The following TMEM230 variants were observed in gnomAD, a reference collection of about 807,000 sequenced individuals.
The protein encoded by TMEM230 is transmembrane protein 230.
A neutral mutation model predicts 15.8 loss-of-function variants in TMEM230; 10 were observed. That is an observed-to-expected ratio of 0.63 (90% confidence interval 0.39 to 1.07). The LOEUF (loss-of-function observed/expected upper bound fraction) is 1.07. TMEM230 is among the 50% of genes least tolerant of loss of function. TMEM230 has a pLI of 0.01. For missense variants in TMEM230, 165 were observed against 193.3 expected (o/e 0.85, Z 0.87); for synonymous variants, 67 against 76.9 (o/e 0.87, Z 0.68).
chr20:5,077,212 T>G (rs1374756519), intron 3 of TMEM230, among the ~76,000 whole-genome samples: 1 of 151,106 alleles, frequency 6.6e-6, no homozygotes, highest in African/African-American at 2.4e-5. Flanking sequence ...GAAACTGAGG[T>G]GGGAGGGTCA....
chr20:5,099,127 G>A (rs962977397), downstream of TMEM230, among the ~76,000 whole-genome samples: 1 of 151,680 alleles, frequency 6.6e-6, no homozygotes, highest in Non-Finnish European at 1.5e-5. Flanking sequence ...GGAATTCAAG[G>A]CTGCAGTGAG....
At chr20:5,096,116 T>C (rs1535266), downstream of TMEM230, among the ~76,000 whole-genome samples, 104,809 of 152,134 alleles carry the variant, frequency 0.69, 36,953 homozygotes, top group East Asian at 0.85. Context: ...CAACCCTCGC[T>C]CCTGCCGCTG....
chr20:5,088,400 C>T (rs2089416261), intron 3 of TMEM230, among the ~76,000 whole-genome samples: 1 of 151,538 alleles, frequency 6.6e-6, no homozygotes, highest in African/African-American at 2.4e-5. Flanking sequence ...CCACGGGAGA[C>T]AGAGATTTGA....
chr20:5,075,215 G>A (rs1312985440), intron 3 of TMEM230, among the ~76,000 whole-genome samples: 3 of 151,546 alleles, frequency 2.0e-5, no homozygotes, highest in Admixed American at 6.6e-5. Context: ...ATAGGCATAC[G>A]CCACCAGGCC....
intron 4 of TMEM230, among the ~76,000 whole-genome samples, chr20:5,102,688 C>CAAA (rs58106156): frequency 3.6e-4 from 30 of 82,928 alleles, no homozygotes; most frequent in East Asian, 1.7e-3. Context: ...GACCCTGTCT[C>CAAA]AAAAAAAAAA....
downstream of TMEM230, among the ~76,000 whole-genome samples, chr20:5,065,818 C>T (rs1385233192): frequency 3.3e-5 from 5 of 152,194 alleles, no homozygotes; most frequent in Non-Finnish European, 7.3e-5. Flanking sequence ...GTAGGGATCA[C>T]GCCCCTGCCA....
At chr20:5,110,127 G>A (rs2090253661) in intron 2 of TMEM230, among the ~76,000 whole-genome samples, 1 of 152,116 alleles carries the variant, frequency 6.6e-6, no homozygotes, top group Non-Finnish European at 1.5e-5. Context: ...GTTGATCTCA[G>A]CTCACTACAA....
At chr20:5,090,606 C>A (rs1325550006) in intron 3 of TMEM230, among the ~76,000 whole-genome samples, 1 of 152,054 alleles carries the variant, frequency 6.6e-6, no homozygotes, top group Non-Finnish European at 1.5e-5. Flanking sequence ...TGCAAATAAA[C>A]ATGATTATTA....
At chr20:5,098,507 A>C (rs2089733244), downstream of TMEM230, 1 of 152,188 alleles carries the variant, frequency 6.6e-6, no homozygotes, top group South Asian at 2.1e-4. Flanking sequence ...ACACCAAATA[A>C]TACAACTATG....
downstream of TMEM230, chr20:5,067,062 G>A (rs1027183547): frequency 1.3e-5 from 2 of 152,174 alleles, no homozygotes; most frequent in Non-Finnish European, 2.9e-5. Context: ...AAACGGCGCA[G>A]GGCGGAAAGC....
chr20:5,095,656 C>G (rs1470198296), downstream of TMEM230, among the ~76,000 whole-genome samples: 3 of 152,130 alleles, frequency 2.0e-5, no homozygotes, highest in Admixed American at 6.5e-5. Context: ...AGGAGATGGA[C>G]TAGGAGGGAA....
chr20:5,101,286 C>T (rs2089851219), intron 4 of TMEM230, among the ~76,000 whole-genome samples: 1 of 152,198 alleles, frequency 6.6e-6, no homozygotes, highest in East Asian at 1.9e-4. Flanking sequence ...CCGAAATGGA[C>T]ATACTACAGT....
At chr20:5,081,759 G>A (rs142835603) in intron 3 of TMEM230, among the ~76,000 whole-genome samples, 1 of 152,130 alleles carries the variant, frequency 6.6e-6, no homozygotes, top group African/African-American at 2.4e-5. Flanking sequence ...CTAAATGACA[G>A]CCCTCCCTGC....
chr20:5,089,656 G>A (rs1304019129), intron 3 of TMEM230, among the ~76,000 whole-genome samples: 9 of 151,108 alleles, frequency 6.0e-5, no homozygotes, highest in African/African-American at 1.7e-4. Flanking sequence ...AGCTGAGATC[G>A]CCCCACTGCA....
chr20:5,088,538 G>A (rs2089421162), intron 3 of TMEM230, among the ~76,000 whole-genome samples: 1 of 152,064 alleles, frequency 6.6e-6, no homozygotes, highest in Non-Finnish European at 1.5e-5. Flanking sequence ...TTATAGGCAT[G>A]AGCCTACTGC....
At chr20:5,074,882 T>C (rs375448646) in intron 3 of TMEM230, among the ~76,000 whole-genome samples, 3 of 152,316 alleles carry the variant, frequency 2.0e-5, no homozygotes, top group East Asian at 3.9e-4. Flanking sequence ...AGGTTTGTTT[T>C]GAACTCCTGG....
At chr20:5,068,852 C>T in exon 4 of TMEM230, 1 of 203,586 alleles carries the variant, frequency 4.9e-6, no homozygotes, top group Non-Finnish European at 1.0e-5. Context: ...AGAATATGAG[C>T]ATCCCAGTCT....
downstream of TMEM230, among the ~76,000 whole-genome samples, chr20:5,095,310 C>T (rs140929093): frequency 2.6e-3 from 402 of 152,226 alleles, 3 homozygotes; most frequent in African/African-American, 9.2e-3. Flanking sequence ...CCACAGAAAT[C>T]GAAAGAAAAC....
chr20:5,104,999 C>T (rs567324511), intron 4 of TMEM230, among the ~76,000 whole-genome samples: 1 of 152,304 alleles, frequency 6.6e-6, no homozygotes, highest in East Asian at 1.9e-4. Context: ...AATATAATAA[C>T]TAAGGCTGGA....
Sources: allele counts gnomAD v4.1 joint callset (sites outside exome capture counted in the v4.1 genomes callset), GRCh38; gene constraint gnomAD v4.1.1; transcripts MANE v1.5; gene names NCBI Gene and HGNC (gene_info 2026-07-23, HGNC 2026-07-21).